The following RBMS3 variants were observed in gnomAD, a reference collection of about 807,000 sequenced individuals.
RBMS3 encodes RNA-binding motif, single-stranded-interacting protein 3.
Under a neutral mutation model 66.8 loss-of-function variants are expected in RBMS3, and 27 were observed. That is an observed-to-expected ratio of 0.40 (90% CI 0.30 to 0.56). The LOEUF (loss-of-function observed/expected upper bound fraction) is 0.56, where lower values mean the gene tolerates loss of function less well. Ranked by LOEUF, RBMS3 falls within the 20% of genes least tolerant of loss-of-function variation. The pLI, the probability that RBMS3 is intolerant of heterozygous loss-of-function variation, is 0.40. For synonymous variants in RBMS3, 188 were observed against 183.0 expected (o/e 1.03, Z -0.22); for missense variants, 513 against 549.5 (o/e 0.93, Z 0.66).
At chr3:29,329,438 C>T (rs1046335154) in intron 1 of RBMS3, among the ~76,000 whole-genome samples, 8 of 151,940 alleles carry the variant, frequency 5.3e-5, no homozygotes, top group African/African-American at 1.9e-4. Flanking sequence ...CTATAGTTAG[C>T]GTGTATCCAA....
At chr3:29,468,794 A>G (rs1408633062) in intron 2 of RBMS3, among the ~76,000 whole-genome samples, 10 of 152,032 alleles carry the variant, frequency 6.6e-5, no homozygotes, top group Admixed American at 5.9e-4. Context: ...AATCTTCTTC[A>G]GACCTAATGT....
At position 29,854,239 on chromosome 3, in the gene RBMS3, C is replaced by T. The variant is rs534526596; in HGVS notation, c.638-14619C>T. On this transcript the variant is annotated intron_variant, in intron 6 of 14. Transcript: ENST00000383767. ...CTGAGGTCGGCCTCCACCCCAGCCA[C>T]AGTGTGCTGCCATGTTGTGTTTCCG... Among the ~76,000 whole-genome samples, 4 of 152,326 alleles carry T rather than the reference C, an allele frequency of 2.6e-5. No homozygotes were observed. In the South Asian group the frequency reaches 8.3e-4, roughly 32 times the overall value.
intron 12 of RBMS3, among the ~76,000 whole-genome samples, chr3:29,984,712 C>T (rs1698247612): frequency 6.6e-6 from 1 of 152,170 alleles, no homozygotes; most frequent in Non-Finnish European, 1.5e-5. Context: ...CCACTCCAGA[C>T]CCTCTTTGCC....
At chr3:29,432,393 C>T (rs2041241832) in intron 1 of RBMS3, among the ~76,000 whole-genome samples, 1 of 152,108 alleles carries the variant, frequency 6.6e-6, no homozygotes, top group South Asian at 2.1e-4. Context: ...GAATCTAAAG[C>T]ACATTGTCTT....
At chr3:29,568,740 T>C (rs191100408) in intron 3 of RBMS3, among the ~76,000 whole-genome samples, 2 of 152,316 alleles carry the variant, frequency 1.3e-5, no homozygotes, top group African/African-American at 4.8e-5. Flanking sequence ...TTATCTCTCA[T>C]GGACTGCCTT....
intron 4 of RBMS3, among the ~76,000 whole-genome samples, chr3:29,600,184 T>C (rs1418473547): frequency 2.6e-5 from 4 of 152,078 alleles, no homozygotes; most frequent in Non-Finnish European, 5.9e-5. Context: ...GAAACCCACC[T>C]TAAAATCAAA....
In RBMS3 at chr3:29,597,613, A is replaced by G. The variant is rs189950783; in HGVS notation, c.399+10408A>G. 2.0e-5 allele frequency among the ~76,000 whole-genome samples: 3 copies of G among 152,304 alleles called. No individual in the cohort carries two copies. The East Asian group carries it at 5.8e-4, about 29-fold the overall frequency. ...CTAAATCAGTGGGAGTTGACATTCC[A>G]ACATCTGTAAGCACATTAACTCCTT... is the stretch of plus-strand genomic sequence containing the variant. On this transcript the variant is annotated intron_variant, in intron 4 of 14. Transcript: ENST00000383767.
At chr3:29,780,319 C>CA (rs35102146) in intron 6 of RBMS3, among the ~76,000 whole-genome samples, 68,959 of 146,500 alleles carry the variant, frequency 0.47, 16,429 homozygotes, top group East Asian at 0.73. Flanking sequence ...AGTCAGATAA[C>CA]AAAAAAAAAA....
At chr3:29,435,189 A>G (rs2041354788) in intron 2 of RBMS3, among the ~76,000 whole-genome samples, 1 of 152,230 alleles carries the variant, frequency 6.6e-6, no homozygotes, top group Non-Finnish European at 1.5e-5. Context: ...AGATCAAGTA[A>G]TAGAGTTACA....
At chr3:29,560,625 C>A (rs1051842708) in intron 3 of RBMS3, among the ~76,000 whole-genome samples, 5 of 152,164 alleles carry the variant, frequency 3.3e-5, no homozygotes, top group Middle Eastern at 3.2e-3. Context: ...GTAGTTTGTT[C>A]AATAACATAC....
intron 10 of RBMS3, among the ~76,000 whole-genome samples, chr3:29,929,631 A>C (rs112961206): frequency 0.024 from 3,581 of 152,218 alleles, 147 homozygotes; most frequent in African/African-American, 0.082. Context: ...TGAATCAAAA[A>C]TCAACTTGAA....
chr3:29,540,346 C>T (rs528351324), intron 3 of RBMS3, among the ~76,000 whole-genome samples: 1 of 152,200 alleles, frequency 6.6e-6, no homozygotes, highest in African/African-American at 2.4e-5. Context: ...TTTATTGCAA[C>T]CTTTGTTGAA....
At chr3:29,525,849 GA>G (rs1235973033) in intron 3 of RBMS3, among the ~76,000 whole-genome samples, 3 of 152,098 alleles carry the variant, frequency 2.0e-5, no homozygotes, top group African/African-American at 7.2e-5. Flanking sequence ...AATTTTCTTT[GA>G]GGGCATTTTA....
At chr3:29,756,148 T>C (rs1405960317) in intron 5 of RBMS3, among the ~76,000 whole-genome samples, 1 of 152,188 alleles carries the variant, frequency 6.6e-6, no homozygotes, top group Non-Finnish European at 1.5e-5. Flanking sequence ...ACCAAATGTG[T>C]GGGTTTTTCT....
chr3:29,346,100 CA>C (rs1204110639), intron 1 of RBMS3, among the ~76,000 whole-genome samples: 1 of 152,166 alleles, frequency 6.6e-6, no homozygotes, highest in Non-Finnish European at 1.5e-5. Flanking sequence ...GTTCAAGAAA[CA>C]AAGGGAATAC....
chr3:29,394,447 A>T (rs2039454003), intron 1 of RBMS3, among the ~76,000 whole-genome samples: 1 of 152,180 alleles, frequency 6.6e-6, no homozygotes, highest in Admixed American at 6.5e-5. Context: ...GAGGAGACAT[A>T]CATCCTCAGC....
intron 1 of RBMS3, among the ~76,000 whole-genome samples, chr3:29,327,605 T>C (rs1166407312): frequency 6.6e-6 from 1 of 152,208 alleles, no homozygotes; most frequent in Non-Finnish European, 1.5e-5. Context: ...CTTGTGTATT[T>C]GTTGAAAATA....
chr3:29,608,609 A>G (rs1352564399), intron 4 of RBMS3, among the ~76,000 whole-genome samples: 1 of 152,078 alleles, frequency 6.6e-6, no homozygotes, highest in African/African-American at 2.4e-5. Context: ...TAAGTTTTAT[A>G]CATAGTTTAA....
chr3:29,325,841 G>A (rs1284460608), intron 1 of RBMS3, among the ~76,000 whole-genome samples: 4 of 151,984 alleles, frequency 2.6e-5, no homozygotes, highest in Admixed American at 2.0e-4. Flanking sequence ...CTTGTCTTAA[G>A]TTGAGGCATC....
Sources: allele counts gnomAD v4.1 joint callset (sites outside exome capture counted in the v4.1 genomes callset), GRCh38; gene constraint gnomAD v4.1.1; transcripts MANE v1.5; gene names NCBI Gene and HGNC (gene_info 2026-07-23, HGNC 2026-07-21).